Variants in KIRREL3 observed in about 807,000 individuals in gnomAD.
KIRREL3 encodes kin of IRRE-like protein 3.
In KIRREL3, 36 loss-of-function variants were observed where a neutral mutation model predicts 89.7. That is an observed-to-expected ratio of 0.40 (90% CI 0.31 to 0.53). KIRREL3 has a LOEUF of 0.53. Ranked by LOEUF, KIRREL3 falls within the 20% of genes least tolerant of loss-of-function variation. The pLI is 0.49. For missense variants in KIRREL3, 864 were observed against 1,056.6 expected (o/e 0.82, Z 2.53); for synonymous variants, 445 against 441.4 (o/e 1.01, Z -0.10).
At position 126,521,578 on chromosome 11, in the gene KIRREL3, C is replaced by A; in HGVS notation, c.284-114G>T. 2 of 904,276 alleles carry A rather than the reference C, an allele frequency of 2.2e-6. No individual in the cohort carries two copies. Among genetic ancestry groups the A allele is most frequent in the South Asian group, 1.7e-5 (1 of 59,270 alleles). 56.0% of individuals were successfully genotyped at this position (904,276 alleles called of 1,614,324 possible). A position where few individuals can be genotyped will look rare whatever the true frequency, so the allele number is the denominator to read the frequency against. On this transcript the variant is annotated intron_variant, in intron 3 of 16. Transcript: ENST00000525144. The surrounding 1 kb of genome is among the most constrained non-coding windows in gnomAD (Gnocchi z 4.1). Reference sequence around the variant, plus strand: ...GGGCCATTCTACAAGGCTGGCAGAGCGGGTGATTGCTCAGGGCTCTGATCT... The same window carrying A: ...GGGCCATTCTACAAGGCTGGCAGAGAGGGTGATTGCTCAGGGCTCTGATCT...
chr11:126,690,626 T>C (rs946588260), intron 1 of KIRREL3, among the ~76,000 whole-genome samples: 1 of 152,214 alleles, frequency 6.6e-6, no homozygotes, highest in Admixed American at 6.5e-5. Flanking sequence ...GTGAACACCT[T>C]CTGTGGACTC....
In KIRREL3 at chr11:126,668,479, C is replaced by T. The variant is rs1426294484; in HGVS notation, c.56-105567G>A. 1.3e-5 allele frequency among the ~76,000 whole-genome samples: 2 copies of T among 152,154 alleles called. No individual in the cohort carries two copies. Among genetic ancestry groups the T allele is most frequent in the East Asian group, 3.9e-4 (2 of 5,180 alleles). On this transcript the variant is annotated intron_variant, in intron 1 of 16. Transcript: ENST00000525144. This position sits in a 1 kb window ranked among gnomAD's most constrained non-coding sequence, Gnocchi z 4.4. ...CTCTCCCCAGACAGCTTCCCTTTCCCCACAGTCCAACCGGCTGTCTAAGCT... is the reference window on the plus strand; with the variant it reads ...CTCTCCCCAGACAGCTTCCCTTTCCTCACAGTCCAACCGGCTGTCTAAGCT...
rs1035875519 is a variant in KIRREL3, at chr11:126,440,155, C to T, written c.1353+294G>A. The T allele has an allele frequency of 6.3e-6, 4 of 631,186 alleles. No individual in the cohort carries two copies. In the African/African-American group the frequency reaches 7.2e-5, roughly 11 times the overall value. The allele number at this position is 631,186 out of a possible 1,614,324, so 39.1% of individuals were successfully genotyped here. A position where few individuals can be genotyped will look rare whatever the true frequency, so the allele number is the denominator to read the frequency against. On this transcript the variant is annotated intron_variant, in intron 11 of 16. Coordinates refer to ENST00000525144, the MANE Select transcript of KIRREL3 (RefSeq NM_032531.4). ...AGAAGAAGTCACTTGTCTTTTCTCT[C>T]CACTACCCTCGTGTGCCCCTCTGCC...
chr11:126,755,826 AG>A lies in KIRREL3; in HGVS notation c.56-192915del, dbSNP rs1356636887. On this transcript the variant is annotated intron_variant, in intron 1 of 16. Transcript: ENST00000525144. This position sits in a 1 kb window ranked among gnomAD's most constrained non-coding sequence, Gnocchi z 4.3. ...TGCTCGCCATCTGCCATTCAGGCAG[AG>A]AGAGAGAGAGAGAGAGAGAGAGAGA... Among the ~76,000 whole-genome samples the A allele has an allele frequency of 2.0e-3, 6 of 2,928 alleles. No homozygotes were observed. In the East Asian group the frequency reaches 0.38, roughly 183 times the overall value. The allele number at this position is 2,928 out of a possible 152,430, so 1.9% of individuals were successfully genotyped here. A position where few individuals can be genotyped will look rare whatever the true frequency, so the allele number is the denominator to read the frequency against.
chr11:126,661,804 A>G (rs1163785399), intron 1 of KIRREL3, among the ~76,000 whole-genome samples: 1 of 152,196 alleles, frequency 6.6e-6, no homozygotes, highest in African/African-American at 2.4e-5. Flanking sequence ...AATAATTTTA[A>G]AAATCACCTA....
chr11:126,549,751 A>T (rs1939108877), intron 2 of KIRREL3: 1 of 152,200 alleles, frequency 6.6e-6, no homozygotes, highest in Non-Finnish European at 1.5e-5. Flanking sequence ...CTGCTGTCCA[A>T]GTCACTGGGT....
Position 126,431,233 on chromosome 11 carries a change from C to A in KIRREL3, c.1696+186G>T. On this transcript the variant is annotated intron_variant, in intron 14 of 16. Coordinates refer to ENST00000525144, the MANE Select transcript of KIRREL3 (RefSeq NM_032531.4). This position sits in a 1 kb window ranked among gnomAD's most constrained non-coding sequence, Gnocchi z 7.1. ...GGTCAACCTCAGCCTAGCGCCCACT[C>A]TGCCAGGCGCCATGTTGCCCAGGCT... 1 of 1,516,916 alleles carries A rather than the reference C, an allele frequency of 6.6e-7. No individual in the cohort carries two copies. The highest frequency in any genetic ancestry group is 1.3e-5 in the South Asian group (1 of 78,818). 94.0% of individuals were successfully genotyped at this position (1,516,916 alleles called of 1,614,324 possible). A position where few individuals can be genotyped will look rare whatever the true frequency, so the allele number is the denominator to read the frequency against.
Position 126,976,609 on chromosome 11 carries a change from T to C in KIRREL3, c.55+23846A>G, listed in dbSNP as rs1051279063. 3.9e-5 allele frequency among the ~76,000 whole-genome samples: 6 copies of C among 152,220 alleles called. No homozygotes were observed. Among genetic ancestry groups the C allele is most frequent in the African/African-American group, 1.4e-4 (6 of 41,466 alleles). ...TCAGTGTTCTGGGAAGTTAATTTTG[T>C]TGAATCTAGTAATCAGATTTGTTTT... is the stretch of plus-strand genomic sequence containing the variant. On this transcript the variant is annotated intron_variant, in intron 1 of 16. Transcript: ENST00000525144. This position sits in a 1 kb window ranked among gnomAD's most constrained non-coding sequence, Gnocchi z 4.2.
In KIRREL3 at chr11:126,755,363, G is replaced by A. The variant is rs143699118; in HGVS notation, c.56-192451C>T. ...ATGAAGTCCTGAAGTGCAGGTAATC[G>A]TGTTTAAAAAGATAGGGAACATGAC... is the stretch of plus-strand genomic sequence containing the variant. On this transcript the variant is annotated intron_variant, in intron 1 of 16. Transcript: ENST00000525144. This position sits in a 1 kb window ranked among gnomAD's most constrained non-coding sequence, Gnocchi z 4.3. 9.9e-3 allele frequency among the ~76,000 whole-genome samples: 1,512 copies of A among 152,220 alleles called. 27 individuals carry two copies. The highest frequency in any genetic ancestry group is 0.034 in the African/African-American group (1,432 of 41,514).
In KIRREL3 at chr11:126,436,857, C is replaced by G; in HGVS notation, c.1506G>C (p.Trp502Cys). Residue 502 changes from tryptophan to cysteine, a missense_variant, in exon 12 of 17, where the codon TGG becomes TGC. By Grantham distance (215) the Trp-to-Cys change is radical. Coordinates refer to ENST00000525144, the MANE Select transcript of KIRREL3 (RefSeq NM_032531.4). ...TCTCAGTGTCGGAGCCGAAGCTGTT[C>G]CAGGCCGTGCAGTTGTAGATGGTCT... is the stretch of plus-strand genomic sequence containing the variant. ...DFQTIYNCTA[W>C]NSFGSDTEII... The G allele has an allele frequency of 6.2e-7, 1 of 1,613,756 alleles. No homozygotes were observed.
intron 4 of KIRREL3, among the ~76,000 whole-genome samples, chr11:126,502,679 C>T (rs543452286): frequency 3.2e-4 from 49 of 152,328 alleles, no homozygotes; most frequent in East Asian, 3.9e-4. Context: ...AAGAGACTGG[C>T]GCAGACTTGG....
At chr11:126,700,104 G>A (rs1947254758) in intron 1 of KIRREL3, among the ~76,000 whole-genome samples, 1 of 152,046 alleles carries the variant, frequency 6.6e-6, no homozygotes, top group African/African-American at 2.4e-5. Flanking sequence ...TGAGGCAGGA[G>A]GATGGCTTGA....
intron 1 of KIRREL3, among the ~76,000 whole-genome samples, chr11:126,580,537 T>TG (rs1281646312): frequency 6.6e-6 from 1 of 152,182 alleles, no homozygotes; most frequent in African/African-American, 2.4e-5. Flanking sequence ...AGGCATACCG[T>TG]GGAGGGCTTT....
intron 1 of KIRREL3, among the ~76,000 whole-genome samples, chr11:126,932,709 T>C (rs890947473): frequency 6.6e-6 from 1 of 152,234 alleles, no homozygotes; most frequent in Non-Finnish European, 1.5e-5. Flanking sequence ...AAAAGGCCTA[T>C]GTATTTAATT....
intron 1 of KIRREL3, among the ~76,000 whole-genome samples, chr11:126,828,232 C>A (rs1271217951): frequency 1.3e-5 from 2 of 152,208 alleles, no homozygotes; most frequent in East Asian, 3.9e-4. Context: ...CCCAGTTAAT[C>A]CCAACGCCCA....
At chr11:126,581,585 A>C (rs1278100758) in intron 1 of KIRREL3, among the ~76,000 whole-genome samples, 1 of 152,222 alleles carries the variant, frequency 6.6e-6, no homozygotes, top group African/African-American at 2.4e-5. Context: ...AGACATTTTG[A>C]TAAAAGCATA....
Position 126,492,994 on chromosome 11 carries a change from GCTAA to G in KIRREL3, c.434-19532_434-19529del, listed in dbSNP as rs747210152. ...GCCGTAGAACAGCCTCGGTGCTGCG[GCTAA>G]CTGACAGGGGGCAGGAATTGGCACT... On this transcript the variant is annotated intron_variant, in intron 4 of 16. Transcript: ENST00000525144. This position sits in a 1 kb window ranked among gnomAD's most constrained non-coding sequence, Gnocchi z 4.8. Among the ~76,000 whole-genome samples, 40 of 152,228 alleles carry G rather than the reference GCTAA, an allele frequency of 2.6e-4. No individual in the cohort carries two copies. The highest frequency in any genetic ancestry group is 4.1e-4 in the South Asian group (2 of 4,832).
chr11:126,618,583 C>T (rs1943451483), intron 1 of KIRREL3, among the ~76,000 whole-genome samples: 1 of 152,144 alleles, frequency 6.6e-6, no homozygotes. Flanking sequence ...TACAGGCATG[C>T]ACCACCATAC....
chr11:126,535,849 G>T lies in KIRREL3; in HGVS notation c.134-9162C>A, dbSNP rs1466954161. On this transcript the variant is annotated intron_variant, in intron 2 of 16. Transcript: ENST00000525144. This position sits in a 1 kb window ranked among gnomAD's most constrained non-coding sequence, Gnocchi z 4.5. The stretch of plus-strand genomic sequence containing the variant: ...AAAATACAAAAATTAGCGGGACATG[G>T]TGGTGCGTGCCTGTAATCCCAGCTA... Among the ~76,000 whole-genome samples the T allele has an allele frequency of 1.3e-5, 2 of 152,194 alleles. No homozygotes were observed. The highest frequency in any genetic ancestry group is 4.8e-5 in the African/African-American group (2 of 41,448).
Sources: gnomAD v4.1 joint callset for allele counts (sites outside exome capture counted in the v4.1 genomes callset) on GRCh38, gnomAD v4.1.1 for gene constraint, Gnocchi (gnomAD v3.1) non-coding constraint, MANE v1.5 for transcripts, NCBI Gene and HGNC (gene_info 2026-07-23, HGNC 2026-07-21) for gene names.